CTNNA2: variants seen among roughly 807,000 people sequenced by gnomAD.
CTNNA2 encodes catenin alpha 2.
In CTNNA2, 42 loss-of-function variants were observed where a neutral mutation model predicts 101.0. The observed-to-expected ratio is 0.42, with a 90% CI of 0.32 to 0.54. The LOEUF is 0.54. Ranked by LOEUF, CTNNA2 falls within the 20% of genes least tolerant of loss-of-function variation. The pLI is 0.14. For missense variants in CTNNA2, 871 were observed against 1,223.1 expected (o/e 0.71, Z 4.29); for synonymous variants, 450 against 456.4 (o/e 0.99, Z 0.18).
intron 1 of CTNNA2, chr2:79,573,675 C>T (rs1295285825): frequency 6.6e-6 from 1 of 152,152 alleles, no homozygotes; most frequent in Non-Finnish European, 1.5e-5. Flanking sequence ...AAACCTTTAA[C>T]AACACAAGAA....
chr2:80,391,423 T>C (rs1312631504), intron 7 of CTNNA2, among the ~76,000 whole-genome samples: 1 of 152,190 alleles, frequency 6.6e-6, no homozygotes, highest in Non-Finnish European at 1.5e-5. Context: ...CTTTGAAAAG[T>C]TTAGTAATCG....
At chr2:80,510,380 T>A (rs1688616753) in intron 9 of CTNNA2, among the ~76,000 whole-genome samples, 1 of 152,184 alleles carries the variant, frequency 6.6e-6, no homozygotes, top group Admixed American at 6.6e-5. Context: ...ACGTGAAGTC[T>A]CCTTATTGAT....
chr2:80,606,587 TG>T (rs1698051742), intron 16 of CTNNA2, among the ~76,000 whole-genome samples: 2 of 151,984 alleles, frequency 1.3e-5, no homozygotes, highest in East Asian at 3.9e-4. Flanking sequence ...CAGAAAAAAA[TG>T]TTATCAAATT....
intron 7 of CTNNA2, among the ~76,000 whole-genome samples, chr2:80,291,703 C>T (rs1261468364): frequency 6.6e-6 from 1 of 152,166 alleles, no homozygotes; most frequent in Non-Finnish European, 1.5e-5. Flanking sequence ...TTTTCACCTC[C>T]AGGAATTGAC....
chr2:79,535,818 G>GT, intron 1 of CTNNA2, among the ~76,000 whole-genome samples: 2 of 152,184 alleles, frequency 1.3e-5, no homozygotes, highest in African/African-American at 2.4e-5. Flanking sequence ...TAAGATTTTT[G>GT]TATCTTCAAG....
At chr2:79,560,137 G>A (rs1228489608) in intron 1 of CTNNA2, among the ~76,000 whole-genome samples, 1 of 150,614 alleles carries the variant, frequency 6.6e-6, no homozygotes, top group South Asian at 2.1e-4. Context: ...ATGACAACTT[G>A]GAGCAAGTGG....
At chr2:79,965,827 C>CAAAAAAAAAAAAACAAAAAAAAAAAAAGA (rs1690004170) in intron 7 of CTNNA2, among the ~76,000 whole-genome samples, 1 of 77,998 alleles carries the variant, frequency 1.3e-5, no homozygotes, top group Non-Finnish European at 2.4e-5. Flanking sequence ...GAGACTATGT[C>CAAAAAAAAAAAAACAAAAAAAAAAAAAGA]AAAAAAAAAA....
chr2:79,829,410 CACACAG>C (rs1366463971), intron 3 of CTNNA2, among the ~76,000 whole-genome samples: 129 of 129,886 alleles, frequency 9.9e-4, no homozygotes, highest in Non-Finnish European at 1.3e-3. Flanking sequence ...CACACACACA[CACACAG>C]ACACAAAGCC....
At chr2:79,499,760 T>C (rs1469544000) in intron 4 of CTNNA2, among the ~76,000 whole-genome samples, 1 of 152,206 alleles carries the variant, frequency 6.6e-6, no homozygotes, top group East Asian at 1.9e-4. Context: ...CCCAGAATGC[T>C]CCTACATGGA....
chr2:79,353,177 AT>A (rs1677431265), intron 3 of CTNNA2, among the ~76,000 whole-genome samples: 1 of 152,108 alleles, frequency 6.6e-6, no homozygotes, highest in Non-Finnish European at 1.5e-5. Flanking sequence ...CATTCCAAAT[AT>A]TTTGGTATGT....
At chr2:80,285,835 T>C (rs1415824949) in intron 7 of CTNNA2, among the ~76,000 whole-genome samples, 1 of 152,234 alleles carries the variant, frequency 6.6e-6, no homozygotes, top group Non-Finnish European at 1.5e-5. Flanking sequence ...CAGGCATGAC[T>C]TGTATGATAA....
intron 3 of CTNNA2, among the ~76,000 whole-genome samples, chr2:79,760,976 G>A (rs1672748989): frequency 6.6e-6 from 1 of 152,074 alleles, no homozygotes; most frequent in African/African-American, 2.4e-5. Flanking sequence ...GCGCAAGTCA[G>A]CCTTTATGTG....
At chr2:80,133,700 C>T (rs1702538744) in intron 7 of CTNNA2, among the ~76,000 whole-genome samples, 1 of 152,174 alleles carries the variant, frequency 6.6e-6, no homozygotes, top group South Asian at 2.1e-4. Context: ...GCTCCTGTTG[C>T]ATCAGAATCA....
At chr2:79,251,494 T>C (rs1027792050) in intron 2 of CTNNA2, among the ~76,000 whole-genome samples, 2 of 152,170 alleles carry the variant, frequency 1.3e-5, no homozygotes, top group Non-Finnish European at 2.9e-5. Flanking sequence ...AACTCACTTC[T>C]AACCAATAGT....
intron 7 of CTNNA2, among the ~76,000 whole-genome samples, chr2:80,101,619 A>G (rs1482146467): frequency 6.6e-6 from 1 of 152,230 alleles, no homozygotes; most frequent in Non-Finnish European, 1.5e-5. Flanking sequence ...TTCAGGTGCC[A>G]TCCTTCATGT....
chr2:80,345,920 G>A (rs887770786), intron 7 of CTNNA2, among the ~76,000 whole-genome samples: 6 of 152,154 alleles, frequency 3.9e-5, no homozygotes, highest in Non-Finnish European at 8.8e-5. Flanking sequence ...ACTATTGTCT[G>A]TTGGATGATT....
Position 79,574,567 on chromosome 2 carries a change from T to C in CTNNA2, c.-6+61360T>C, listed in dbSNP as rs533469936. On this transcript the variant is annotated intron_variant, in intron 1 of 18. Transcript: ENST00000402739. ...ATGATCTCCTTCATTTTTATGGCTGTGTAGTATTACGTGGTACGTATGTAC... is the reference window on the plus strand; with the variant it reads ...ATGATCTCCTTCATTTTTATGGCTGCGTAGTATTACGTGGTACGTATGTAC... Among the ~76,000 whole-genome samples the C allele has an allele frequency of 5.3e-5, 8 of 152,312 alleles. 1 individual carries two copies. In the South Asian group the frequency reaches 8.3e-4, roughly 16 times the overall value.
chr2:79,388,247 C>T (rs542580415), intron 4 of CTNNA2, among the ~76,000 whole-genome samples: 2 of 152,186 alleles, frequency 1.3e-5, no homozygotes, highest in Non-Finnish European at 2.9e-5. Context: ...TGACTTCACT[C>T]TCAAGAACCG....
At chr2:79,857,621 T>G (rs1681241299) in intron 3 of CTNNA2, among the ~76,000 whole-genome samples, 1 of 152,344 alleles carries the variant, frequency 6.6e-6, no homozygotes, top group East Asian at 1.9e-4. Context: ...TGGAACAATT[T>G]GTACCTCGAC....
Sources: gnomAD v4.1 joint callset for allele counts (sites outside exome capture counted in the v4.1 genomes callset) on GRCh38, gnomAD v4.1.1 for gene constraint, MANE v1.5 for transcripts, NCBI Gene and HGNC (gene_info 2026-07-23, HGNC 2026-07-21) for gene names.